Variants in AUTS2 observed in about 807,000 individuals in gnomAD.
AUTS2 encodes the protein activator of transcription and developmental regulator AUTS2.
In AUTS2, 17 loss-of-function variants were observed where a neutral mutation model predicts 112.4. The observed-to-expected ratio is 0.15, with a 90% CI of 0.10 to 0.23. AUTS2 has a LOEUF of 0.23. Ranked by LOEUF, AUTS2 falls within the 10% of genes least tolerant of loss-of-function variation. The probability of loss-of-function intolerance (pLI) is 1.00; values close to 1 mark genes in which losing one functional copy is unlikely to be tolerated. For missense variants in AUTS2, 1,510 were observed against 1,701.6 expected (o/e 0.89, Z 1.98); for synonymous variants, 751 against 702.7 (o/e 1.07, Z -1.09).
intron 2 of AUTS2, among the ~76,000 whole-genome samples, chr7:70,056,369 C>T (rs1801994724): frequency 6.6e-6 from 1 of 152,132 alleles, no homozygotes; most frequent in South Asian, 2.1e-4. Context: ...TTTAATCATT[C>T]TGAGGGGGGT....
intron 6 of AUTS2, among the ~76,000 whole-genome samples, chr7:70,707,162 T>C (rs934246308): frequency 1.2e-4 from 19 of 152,244 alleles, no homozygotes; most frequent in Non-Finnish European, 1.6e-4. Context: ...TTACATACAT[T>C]CTATCCCCTA....
chr7:69,926,336 A>C (rs760414091), intron 2 of AUTS2, among the ~76,000 whole-genome samples: 1 of 152,158 alleles, frequency 6.6e-6, no homozygotes, highest in Non-Finnish European at 1.5e-5. Context: ...TGGTACATAA[A>C]CATTTAGGGT....
chr7:69,966,981 A>G (rs1797657647), intron 2 of AUTS2, among the ~76,000 whole-genome samples: 1 of 152,218 alleles, frequency 6.6e-6, no homozygotes, highest in African/African-American at 2.4e-5. Context: ...GGGAATAGTA[A>G]GAGAAAGCTG....
intron 5 of AUTS2, among the ~76,000 whole-genome samples, chr7:70,544,145 T>C (rs1180407340): frequency 4.6e-5 from 7 of 152,220 alleles, no homozygotes; most frequent in African/African-American, 1.7e-4. Flanking sequence ...GATTTGCTAA[T>C]TACCCAAGTT....
intron 4 of AUTS2, among the ~76,000 whole-genome samples, chr7:70,154,933 G>A (rs1161168830): frequency 6.6e-6 from 1 of 152,124 alleles, no homozygotes; most frequent in Non-Finnish European, 1.5e-5. Flanking sequence ...TTGACTGATG[G>A]GTTAGTTGTA....
In AUTS2 at chr7:70,284,877, A is replaced by G. The variant is rs144079491; in HGVS notation, c.660+150306A>G. Reference sequence around the variant, plus strand: ...GAGGTCCAGGATTGTTCTGAGGAATACTGAAATCAAAAACTCTAGACTCCT... The same window carrying G: ...GAGGTCCAGGATTGTTCTGAGGAATGCTGAAATCAAAAACTCTAGACTCCT... On this transcript the variant is annotated intron_variant, in intron 4 of 18. Transcript: ENST00000342771. 1.5e-4 allele frequency among the ~76,000 whole-genome samples: 23 copies of G among 152,332 alleles called. No homozygotes were observed. In the East Asian group the frequency reaches 4.4e-3, roughly 29 times the overall value.
At chr7:70,775,607 G>A (rs1390514041) in intron 13 of AUTS2, among the ~76,000 whole-genome samples, 7 of 151,778 alleles carry the variant, frequency 4.6e-5, no homozygotes, top group Non-Finnish European at 7.4e-5. Context: ...CTACAACAGA[G>A]AAAAGTCAAC....
chr7:70,318,020 G>A (rs1790078614), intron 4 of AUTS2, among the ~76,000 whole-genome samples: 1 of 152,144 alleles, frequency 6.6e-6, no homozygotes, highest in Non-Finnish European at 1.5e-5. Context: ...AAAACCTGTG[G>A]TGTCGGTTGG....
At position 70,481,255 on chromosome 7, in the gene AUTS2, C is replaced by T. The variant is rs1215837322; in HGVS notation, c.690+45474C>T. On this transcript the variant is annotated intron_variant, in intron 5 of 18. Transcript: ENST00000342771. ...AGAAAGCACAGTGCAGGGAGAAACC[C>T]GAAGGAGCAGGATTCTGTCTTCTGG... 5.3e-5 allele frequency among the ~76,000 whole-genome samples: 8 copies of T among 152,266 alleles called. No individual in the cohort carries two copies. In the South Asian group the frequency reaches 8.3e-4, roughly 16 times the overall value.
intron 5 of AUTS2, among the ~76,000 whole-genome samples, chr7:70,547,246 T>C (rs1358683842): frequency 6.6e-6 from 1 of 152,144 alleles, no homozygotes; most frequent in Non-Finnish European, 1.5e-5. Context: ...AATGGAACAA[T>C]ACAATGTTGG....
intron 4 of AUTS2, among the ~76,000 whole-genome samples, chr7:70,418,128 G>A (rs1795068258): frequency 7.3e-6 from 1 of 137,788 alleles, no homozygotes; most frequent in Admixed American, 7.3e-5. Context: ...TGTGTAGACG[G>A]GGTCTTACCA....
intron 6 of AUTS2, among the ~76,000 whole-genome samples, chr7:70,728,475 G>A (rs541123978): frequency 2.0e-5 from 3 of 152,112 alleles, no homozygotes; most frequent in African/African-American, 7.2e-5. Context: ...TTGGGAGGCC[G>A]ACACGGGTGG....
chr7:70,595,384 G>A (rs1372722216), intron 5 of AUTS2, among the ~76,000 whole-genome samples: 5 of 152,186 alleles, frequency 3.3e-5, no homozygotes, highest in Non-Finnish European at 4.4e-5. Context: ...AACTATGTTG[G>A]CATAGTTCAG....
intron 2 of AUTS2, among the ~76,000 whole-genome samples, chr7:70,030,532 A>G (rs1800727509): frequency 6.6e-6 from 1 of 152,152 alleles, no homozygotes; most frequent in South Asian, 2.1e-4. Flanking sequence ...AAAACAGAGA[A>G]AACAACAGGC....
intron 1 of AUTS2, among the ~76,000 whole-genome samples, chr7:69,695,868 T>C (rs1797538116): frequency 6.6e-6 from 1 of 152,176 alleles, no homozygotes; most frequent in Non-Finnish European, 1.5e-5. Context: ...AAGCACGGTT[T>C]CTTGGTCAGT....
intron 2 of AUTS2, among the ~76,000 whole-genome samples, chr7:70,071,990 C>T (rs368176888): frequency 0.021 from 3 of 144 alleles, no homozygotes; most frequent in African/African-American, 0.1. Flanking sequence ...GGTTACTGGC[C>T]TTGCTGCGGC....
At chr7:69,998,774 A>G (rs1379184317) in intron 2 of AUTS2, among the ~76,000 whole-genome samples, 1 of 152,220 alleles carries the variant, frequency 6.6e-6, no homozygotes, top group Non-Finnish European at 1.5e-5. Context: ...TACTATTTAG[A>G]AAAAGAAAAC....
intron 6 of AUTS2, among the ~76,000 whole-genome samples, chr7:70,760,922 C>T (rs1427020316): frequency 6.6e-6 from 1 of 152,156 alleles, no homozygotes; most frequent in Non-Finnish European, 1.5e-5. Flanking sequence ...AGCTTTCTTC[C>T]CATCTCGCTG....
intron 4 of AUTS2, among the ~76,000 whole-genome samples, chr7:70,235,091 G>A (rs1266907529): frequency 2.0e-5 from 3 of 152,082 alleles, no homozygotes; most frequent in Non-Finnish European, 2.9e-5. Context: ...GGAGGAAATC[G>A]GCCTCAGCAT....
Sources: allele counts gnomAD v4.1 joint callset (sites outside exome capture counted in the v4.1 genomes callset), GRCh38; gene constraint gnomAD v4.1.1; transcripts MANE v1.5; gene names NCBI Gene and HGNC (gene_info 2026-07-23, HGNC 2026-07-21).